Variants in PTPRU observed in about 807,000 individuals in gnomAD.
PTPRU encodes protein tyrosine phosphatase receptor type U.
A neutral mutation model predicts 166.3 loss-of-function variants in PTPRU; 69 were observed. That is an observed-to-expected ratio of 0.41 (90% confidence interval 0.34 to 0.51). The LOEUF is 0.51. PTPRU is among the 20% of genes least tolerant of loss of function. PTPRU has a pLI of 0.09. For synonymous variants in PTPRU, 793 were observed against 814.0 expected, an observed-to-expected ratio of 0.97 and a Z score of 0.44; for missense variants, 1,657 against 2,013.7, an observed-to-expected ratio of 0.82 and a Z score of 3.39.
rs755264582 is a variant in PTPRU, at chr1:29,305,377, C to T, written c.2769C>T (p.His923=). 1 of 1,613,876 alleles carries T rather than the reference C, an allele frequency of 6.2e-7. No homozygotes were observed. Among genetic ancestry groups the T allele is most frequent in the African/African-American group, 1.3e-5 (1 of 74,928 alleles). ...PAYDRHRVKL[H]PMLGDPNADY... Reference sequence around the variant, plus strand: ...ATGATCGGCACCGAGTGAAACTGCACCCGATGCTGGGAGACCCCAATGCCG... The same window carrying T: ...ATGATCGGCACCGAGTGAAACTGCATCCGATGCTGGGAGACCCCAATGCCG... Residue 923 remains histidine, a synonymous_variant, in exon 18 of 30, where the codon CAC becomes CAT. Coordinates refer to ENST00000373779, the MANE Select transcript of PTPRU (RefSeq NM_133178.4).
chr1:29,289,836 C>A, intron 14 of PTPRU: 2 of 1,074,628 alleles, frequency 1.9e-6, no homozygotes, highest in South Asian at 2.7e-5. Flanking sequence ...ACCCGGTTCT[C>A]TCTGGTCACC....
chr1:29,266,738 A>G (rs191239481), intron 7 of PTPRU, among the ~76,000 whole-genome samples: 72 of 152,326 alleles, frequency 4.7e-4, no homozygotes, highest in Admixed American at 7.2e-4. Flanking sequence ...TGGTAGGGAT[A>G]TATGACTATA....
chr1:29,283,103 C>T (rs1189910025), intron 12 of PTPRU, among the ~76,000 whole-genome samples, 154 bp downstream of exon 12: 2 of 149,156 alleles, frequency 1.3e-5, no homozygotes, highest in Non-Finnish European at 3.0e-5. Flanking sequence ...CCTCCTCCTA[C>T]AGCCCACCCC....
At chr1:29,312,797 G>C (rs747745358) in intron 22 of PTPRU, 91 bp downstream of exon 22, 491 of 1,445,440 alleles carry the variant, frequency 3.4e-4, no homozygotes, top group Non-Finnish European at 4.4e-4. Context: ...CTGTAGTGGG[G>C]ACCAGGCCTG....
intron 1 of PTPRU, among the ~76,000 whole-genome samples, chr1:29,241,494 G>C (rs751860572): frequency 1.3e-5 from 2 of 152,038 alleles, no homozygotes; most frequent in Admixed American, 6.6e-5. Context: ...GGGGGTATCT[G>C]TGTATGAAAC....
intron 26 of PTPRU, 25 bp from the exon 27 acceptor site, chr1:29,323,346 C>T (rs908688749): frequency 6.2e-7 from 1 of 1,600,336 alleles, no homozygotes; most frequent in Non-Finnish European, 8.5e-7. Flanking sequence ...CTACTCAGCT[C>T]TCCCCTCTCC....
At position 29,325,305 on chromosome 1, in the gene PTPRU, A is replaced by G; in HGVS notation, c.4227A>G (p.Lys1409=). ...FFAAKTLRNY[K]PNMVETMDQY... is the part of the protein sequence containing the mutation. Reference sequence around the variant, plus strand: ...CTGCCAAAACCCTCCGGAACTACAAACCCAACATGGTGGAGACCATGGTGA... The same window carrying G: ...CTGCCAAAACCCTCCGGAACTACAAGCCCAACATGGTGGAGACCATGGTGA... Residue 1409 remains lysine, a synonymous_variant, in exon 29 of 30, where the codon AAA becomes AAG. Transcript: ENST00000373779. The G allele has an allele frequency of 6.2e-7, 1 of 1,613,936 alleles. No homozygotes were observed. The highest frequency in any genetic ancestry group is 8.5e-7 in the Non-Finnish European group (1 of 1,179,908).
chr1:29,266,724 T>C (rs1228324486), intron 7 of PTPRU, among the ~76,000 whole-genome samples: 1 of 152,152 alleles, frequency 6.6e-6, no homozygotes, highest in Admixed American at 6.5e-5. Flanking sequence ...GGTGCTATTG[T>C]GGTTGGTAGG....
At chr1:29,295,747 C>T (rs959525029) in intron 15 of PTPRU, among the ~76,000 whole-genome samples, 6 of 151,794 alleles carry the variant, frequency 4.0e-5, no homozygotes, top group South Asian at 2.1e-4. Context: ...AGTGCAGTGG[C>T]GCAATCTCAG....
At chr1:29,288,407 A>G (rs1686460310) in intron 14 of PTPRU, among the ~76,000 whole-genome samples, 1 of 152,160 alleles carries the variant, frequency 6.6e-6, no homozygotes, top group African/African-American at 2.4e-5. Flanking sequence ...AGAATACAAG[A>G]GACATCATGT....
At chr1:29,312,444 T>G in intron 21 of PTPRU, 108 bp from the exon 22 acceptor site, 1 of 1,085,360 alleles carries the variant, frequency 9.2e-7, no homozygotes, top group Non-Finnish European at 1.3e-6. Context: ...TTGGGATTAG[T>G]TGAGATTATA....
At chr1:29,288,544 G>T (rs1162940924) in intron 14 of PTPRU, among the ~76,000 whole-genome samples, 1 of 152,116 alleles carries the variant, frequency 6.6e-6, no homozygotes, top group Non-Finnish European at 1.5e-5. Flanking sequence ...CAGCCCCAGC[G>T]CCCTAGACTC....
At chr1:29,294,344 G>A (rs2151959063) in intron 15 of PTPRU, among the ~76,000 whole-genome samples, 1 of 152,320 alleles carries the variant, frequency 6.6e-6, no homozygotes, top group East Asian at 1.9e-4. Flanking sequence ...GTATTTTCAA[G>A]TCATCAATGG....
At chr1:29,293,305 G>A (rs1686728887) in intron 15 of PTPRU, among the ~76,000 whole-genome samples, 1 of 151,694 alleles carries the variant, frequency 6.6e-6, no homozygotes, top group African/African-American at 2.4e-5. Context: ...TAGAGACAGG[G>A]TTTCACCATG....
In PTPRU at chr1:29,280,645, A is replaced by G. The variant is rs1686022440; in HGVS notation, c.1868+504A>G. On this transcript the variant is annotated intron_variant, in intron 11 of 29. Coordinates refer to ENST00000373779, the MANE Select transcript of PTPRU (RefSeq NM_133178.4). This position sits in a 1 kb window ranked among gnomAD's most constrained non-coding sequence, Gnocchi z 4.2. ...CTGCTGGGGAGAGGGTGCTGGAGAC[A>G]AGACTGTGTGTGTGTGTGTGTGTGT... Among the ~76,000 whole-genome samples, 1 of 139,822 alleles carries G rather than the reference A, an allele frequency of 7.2e-6. No individual in the cohort carries two copies. The highest frequency in any genetic ancestry group is 2.3e-4 in the East Asian group (1 of 4,282). The allele number at this position is 139,822 out of a possible 152,430, so 91.7% of individuals were successfully genotyped here. A position where few individuals can be genotyped will look rare whatever the true frequency, so the allele number is the denominator to read the frequency against.
rs563915322 is a variant in PTPRU, at chr1:29,280,231, C to T, written c.1868+90C>T. On this transcript the variant is annotated intron_variant, in intron 11 of 29. Transcript: ENST00000373779. The surrounding 1 kb of genome is among the most constrained non-coding windows in gnomAD (Gnocchi z 4.2). ...CAGAGCCCCATCCCAGGCCAGCTCA[C>T]CCTTTTCCTCCCTCAGTCTCCCACG... The T allele has an allele frequency of 6.5e-6, 8 of 1,240,192 alleles. No individual in the cohort carries two copies. In the Admixed American group the frequency reaches 1.7e-4, roughly 27 times the overall value. 76.8% of individuals were successfully genotyped at this position (1,240,192 alleles called of 1,614,324 possible).
chr1:29,263,263 G>A (rs1332652252), intron 7 of PTPRU, among the ~76,000 whole-genome samples: 1 of 152,346 alleles, frequency 6.6e-6, no homozygotes, highest in South Asian at 2.1e-4. Flanking sequence ...GGGATTACAG[G>A]CGTGAGCCAC....
At position 29,259,903 on chromosome 1, in the gene PTPRU, G is replaced by A. The variant is rs1328977682; in HGVS notation, c.709G>A (p.Val237Met). 7 of 1,532,136 alleles carry A rather than the reference G, an allele frequency of 4.6e-6. No homozygotes were observed. The highest frequency in any genetic ancestry group is 2.0e-5 in the Admixed American group (1 of 50,856). 94.9% of individuals were successfully genotyped at this position (1,532,136 alleles called of 1,614,324 possible). A position where few individuals can be genotyped will look rare whatever the true frequency, so the allele number is the denominator to read the frequency against. The part of the protein sequence containing the change: ...QSGALVPAAG[V>M]RHISHRRFLA... ...CGGGGCGCTGGTGCCGGCGGCGGGC[G>A]TGCGGCACATCAGCCACCGGCGCTT... The change falls in exon 6 of 30, where the codon GTG (valine) becomes ATG (methionine). Residue 237 changes from valine to methionine, a missense_variant. Physicochemically the swap from Val to Met is conservative, Grantham distance 21. Coordinates refer to ENST00000373779, the MANE Select transcript of PTPRU (RefSeq NM_133178.4).
At chr1:29,310,903 G>A (rs566819040) in intron 19 of PTPRU, 123 bp downstream of exon 19, 13 of 1,236,308 alleles carry the variant, frequency 1.1e-5, no homozygotes, top group Middle Eastern at 1.9e-4. Context: ...CCCCACCGTC[G>A]CCATATTCTG....
Sources: gnomAD v4.1 joint callset for allele counts (sites outside exome capture counted in the v4.1 genomes callset) on GRCh38, gnomAD v4.1.1 for gene constraint, Gnocchi (gnomAD v3.1) non-coding constraint, MANE v1.5 for transcripts, NCBI Gene and HGNC (gene_info 2026-07-23, HGNC 2026-07-21) for gene names.